Variants in XYLT1 observed in about 807,000 individuals in gnomAD.
The protein encoded by XYLT1 is beta-D-xylosyltransferase 1.
XYLT1 carries 36 observed loss-of-function variants against 91.3 expected under a neutral mutation model. The ratio of observed to expected loss-of-function variants is 0.39; its 90% CI spans 0.30 to 0.52. The LOEUF (loss-of-function observed/expected upper bound fraction) is 0.52. Ranked by LOEUF, XYLT1 falls within the 20% of genes least tolerant of loss-of-function variation. The pLI is 0.68. For synonymous variants in XYLT1, 588 were observed against 532.0 expected, an observed-to-expected ratio of 1.11 and a Z score of -1.45; for missense variants, 1,242 against 1,284.5, an observed-to-expected ratio of 0.97 and a Z score of 0.51.
chr16:17,380,015 C>T (rs2035659894), intron 1 of XYLT1, among the ~76,000 whole-genome samples: 1 of 152,190 alleles, frequency 6.6e-6, no homozygotes, highest in African/African-American at 2.4e-5. Context: ...GGGCTGGGAG[C>T]AGTGCCTCAC....
chr16:17,147,257 C>T (rs181478982), intron 6 of XYLT1, among the ~76,000 whole-genome samples: 12 of 152,292 alleles, frequency 7.9e-5, no homozygotes, highest in African/African-American at 2.9e-4. Flanking sequence ...GCTAATTATA[C>T]AAAAATGTCC....
chr16:17,383,401 C>G (rs2035705444), intron 1 of XYLT1, among the ~76,000 whole-genome samples: 1 of 151,858 alleles, frequency 6.6e-6, no homozygotes, highest in African/African-American at 2.4e-5. Context: ...GCCACCACGA[C>G]TCTATCCTGT....
chr16:17,361,564 C>T (rs531665496), intron 1 of XYLT1, among the ~76,000 whole-genome samples: 13 of 152,274 alleles, frequency 8.5e-5, no homozygotes, highest in Admixed American at 2.6e-4. Flanking sequence ...CAGCTAACAG[C>T]GATCATTTAT....
chr16:17,168,243 A>G (rs1330587598), intron 5 of XYLT1, among the ~76,000 whole-genome samples: 2 of 152,232 alleles, frequency 1.3e-5, no homozygotes, highest in African/African-American at 4.8e-5. Flanking sequence ...CATACACACC[A>G]TGGAACACTG....
intron 5 of XYLT1, among the ~76,000 whole-genome samples, chr16:17,190,689 T>C (rs1281870468): frequency 1.3e-5 from 2 of 152,126 alleles, no homozygotes; most frequent in Non-Finnish European, 2.9e-5. Flanking sequence ...TAATCCAGTC[T>C]ATCATTGATG....
At chr16:17,185,678 AC>A (rs1430370051) in intron 5 of XYLT1, among the ~76,000 whole-genome samples, 1 of 152,094 alleles carries the variant, frequency 6.6e-6, no homozygotes, top group Non-Finnish European at 1.5e-5. Context: ...TAGTACAATC[AC>A]CTGCAGGGTG....
intron 1 of XYLT1, among the ~76,000 whole-genome samples, chr16:17,437,937 A>G (rs2036482368): frequency 1.3e-5 from 2 of 152,206 alleles, no homozygotes; most frequent in Admixed American, 6.5e-5. Flanking sequence ...ATACTTACCA[A>G]CAGAATTCTT....
At chr16:17,417,527 C>T (rs1340548099) in intron 1 of XYLT1, among the ~76,000 whole-genome samples, 1 of 152,064 alleles carries the variant, frequency 6.6e-6, no homozygotes, top group Non-Finnish European at 1.5e-5. Flanking sequence ...TGGGCTTTTT[C>T]CAGGCCAAAC....
intron 1 of XYLT1, among the ~76,000 whole-genome samples, chr16:17,441,212 C>T (rs560756032): frequency 1.3e-4 from 19 of 151,586 alleles, no homozygotes; most frequent in African/African-American, 2.9e-4. Context: ...GTAGCTGGGA[C>T]GACAGGAAAA....
intron 3 of XYLT1, chr16:17,227,721 T>C (rs1239907698): frequency 6.6e-6 from 1 of 152,362 alleles, no homozygotes; most frequent in Non-Finnish European, 1.5e-5. Flanking sequence ...TTTTTGTTTT[T>C]GAAGAGAAGA....
intron 2 of XYLT1, among the ~76,000 whole-genome samples, chr16:17,260,004 A>C (rs905907935): frequency 2.6e-5 from 4 of 151,990 alleles, no homozygotes; most frequent in African/African-American, 9.7e-5. Context: ...GAGCCGTTGT[A>C]AATTCTGTGG....
chr16:17,261,607 G>T (rs2033723618), intron 2 of XYLT1, among the ~76,000 whole-genome samples: 2 of 152,100 alleles, frequency 1.3e-5, no homozygotes, highest in Admixed American at 1.3e-4. Context: ...ACAAGATCTG[G>T]CCCCTCCCAC....
chr16:17,418,780 T>G lies in XYLT1; in HGVS notation c.363+51654A>C, dbSNP rs1442421569. 2.0e-5 allele frequency among the ~76,000 whole-genome samples: 3 copies of G among 151,346 alleles called. No individual in the cohort carries two copies. The East Asian group carries it at 5.9e-4, about 30-fold the overall frequency. Reference sequence around the variant, plus strand: ...GGAGGCTCGCTTGAGACCTGGACATTGAGGCTGCAGAGAGCCATGATGGTA... The same window carrying G: ...GGAGGCTCGCTTGAGACCTGGACATGGAGGCTGCAGAGAGCCATGATGGTA... On this transcript the variant is annotated intron_variant, in intron 1 of 11. Coordinates refer to ENST00000261381, the MANE Select transcript of XYLT1 (RefSeq NM_022166.4).
rs1966817725 is a variant in XYLT1 at position 17,109,012 on chromosome 16, C to T, written c.2563G>A (p.Ala855Thr). ...AGGGGCCCATTGTGCAGCTTCAGTG[C>T]CTCCTCTGAAAGCCAAAGGGAACAA... ...SNRQPIKPEE[A>T]LKLHNGPLRN... The change falls in exon 12 of 12, where the codon GCA (alanine) becomes ACA (threonine). Residue 855 changes from alanine (A) to threonine (T), a missense_variant. This residue lies in a region of XYLT1 where 511 missense variants were observed against 497.0 expected (regional missense o/e 1.03). Coordinates refer to ENST00000261381, the MANE Select transcript of XYLT1 (RefSeq NM_022166.4). 1 of 1,510,542 alleles carries T rather than the reference C, an allele frequency of 6.6e-7. No individual in the cohort carries two copies. The highest frequency in any genetic ancestry group is 8.9e-7 in the Non-Finnish European group (1 of 1,125,276). The allele number at this position is 1,510,542 out of a possible 1,614,324, so 93.6% of individuals were successfully genotyped here.
At chr16:17,335,546 G>A (rs771801531) in intron 2 of XYLT1, among the ~76,000 whole-genome samples, 6 of 151,146 alleles carry the variant, frequency 4.0e-5, no homozygotes, top group Non-Finnish European at 5.9e-5. Context: ...CAAAATTAGC[G>A]GGGCATGGTG....
At chr16:17,377,062 A>T (rs1196959353) in intron 1 of XYLT1, among the ~76,000 whole-genome samples, 1 of 151,078 alleles carries the variant, frequency 6.6e-6, no homozygotes, top group Non-Finnish European at 1.5e-5. Context: ...CTGTAATCTC[A>T]GCTCCTCAGG....
intron 3 of XYLT1, among the ~76,000 whole-genome samples, chr16:17,232,765 A>T (rs1212942955): frequency 6.6e-6 from 1 of 151,804 alleles, no homozygotes; most frequent in African/African-American, 2.4e-5. Context: ...GGTAGTGATG[A>T]AGATGGTGAT....
chr16:17,131,037 C>T (rs962188137), intron 9 of XYLT1, among the ~76,000 whole-genome samples: 5 of 152,188 alleles, frequency 3.3e-5, no homozygotes, highest in Non-Finnish European at 7.3e-5. Flanking sequence ...TACTGTCTGT[C>T]TGCACACTAG....
intron 2 of XYLT1, among the ~76,000 whole-genome samples, chr16:17,290,880 C>A (rs1194876559): frequency 2.6e-5 from 4 of 152,178 alleles, no homozygotes; most frequent in Non-Finnish European, 5.9e-5. Context: ...TGGATCAACA[C>A]CCTGGCTCTG....
Sources: gnomAD v4.1 joint callset for allele counts (sites outside exome capture counted in the v4.1 genomes callset) on GRCh38, gnomAD v4.1.1 for gene constraint, gnomAD v4.1.1 regional missense constraint, MANE v1.5 for transcripts, NCBI Gene and HGNC (gene_info 2026-07-23, HGNC 2026-07-21) for gene names.